MAGI1: variants seen among roughly 807,000 people sequenced by gnomAD.
MAGI1 encodes the protein membrane associated guanylate kinase, WW and PDZ domain containing 1, also known as membrane-associated guanylate kinase, WW and PDZ domain-containing protein 1.
A neutral mutation model predicts 139.9 loss-of-function variants in MAGI1; 58 were observed. The observed-to-expected ratio is 0.41, with a 90% CI of 0.34 to 0.52. MAGI1 has a LOEUF of 0.52. Ranked by LOEUF, MAGI1 falls within the 20% of genes least tolerant of loss-of-function variation. The probability of loss-of-function intolerance (pLI) is 0.12; values close to 1 mark genes in which losing one functional copy is unlikely to be tolerated. For missense variants in MAGI1, 1,874 were observed against 1,901.6 expected (o/e 0.99, Z 0.27); for synonymous variants, 812 against 737.9 (o/e 1.10, Z -1.63).
intron 1 of MAGI1, chr3:65,843,779 G>C (rs1254465910): frequency 2.3e-5 from 4 of 173,944 alleles, no homozygotes; most frequent in African/African-American, 9.6e-5. Flanking sequence ...AAGAAAGCAA[G>C]GTTTAAACTT....
At chr3:65,789,047 G>A (rs13063316) in intron 1 of MAGI1, among the ~76,000 whole-genome samples, 38,396 of 151,924 alleles carry the variant, frequency 0.25, 5,097 homozygotes, top group Non-Finnish European at 0.31. Flanking sequence ...CAGGCTTGGC[G>A]ACACCCACCC....
At chr3:65,519,808 T>G (rs569948981) in intron 2 of MAGI1, among the ~76,000 whole-genome samples, 1 of 152,318 alleles carries the variant, frequency 6.6e-6, no homozygotes, top group African/African-American at 2.4e-5. Flanking sequence ...CAGATTGTGA[T>G]AGGTTATTCT....
At position 65,429,709 on chromosome 3, in the gene MAGI1, T is replaced by C. The variant is rs1342150402; in HGVS notation, c.1978A>G (p.Ser660Gly). 3 of 1,613,946 alleles carry C rather than the reference T, an allele frequency of 1.9e-6. No individual in the cohort carries two copies. The highest frequency in any genetic ancestry group is 2.2e-5 in the East Asian group (1 of 44,824). ...PMGFGFTIADSPGGGGQRVKQ... is the reference protein window; with the variant it reads ...PMGFGFTIADGPGGGGQRVKQ... ...ACTCTTTGGCCACCCCCACCAGGAC[T>C]GTCTGCGATAGTAAAACCAAAGCCC... Residue 660 changes from serine (S) to glycine (G), a missense_variant, in exon 12 of 23, where the codon AGT becomes GGT. By Grantham distance (56) the Ser-to-Gly change is moderately conservative. Around this residue, in one of 5 missense-constraint regions of MAGI1, gnomAD observed 482 missense variants for 509.6 expected, o/e 0.95. Coordinates refer to ENST00000402939, the MANE Select transcript of MAGI1 (RefSeq NM_001033057.2).
intron 1 of MAGI1, among the ~76,000 whole-genome samples, chr3:65,637,073 C>G (rs929463720): frequency 6.6e-6 from 1 of 152,208 alleles, no homozygotes; most frequent in Non-Finnish European, 1.5e-5. Context: ...CCTCCCTGTT[C>G]TTGGCAGCTC....
At position 65,647,740 on chromosome 3, in the gene MAGI1, C is replaced by T. The variant is rs188795955; in HGVS notation, c.314-25652G>A. Among the ~76,000 whole-genome samples the T allele has an allele frequency of 1.6e-3, 244 of 152,208 alleles. 1 individual carries two copies. In the South Asian group the frequency reaches 0.031, roughly 19 times the overall value. ...AAACTTTAAGAAAACTACAAATATG[C>T]AAGTTCCATTCTTTATGTGAAATTA... is the stretch of plus-strand genomic sequence containing the variant. On this transcript the variant is annotated intron_variant, in intron 1 of 22. Coordinates refer to ENST00000402939, the MANE Select transcript of MAGI1 (RefSeq NM_001033057.2).
intron 5 of MAGI1, among the ~76,000 whole-genome samples, chr3:65,453,831 C>G (rs969289129): frequency 6.6e-6 from 1 of 152,178 alleles, no homozygotes; most frequent in Non-Finnish European, 1.5e-5. Flanking sequence ...TGACTCAAAA[C>G]TACCAATACA....
intron 1 of MAGI1, among the ~76,000 whole-genome samples, chr3:65,685,709 TA>T (rs1045254479): frequency 7.2e-5 from 11 of 152,306 alleles, no homozygotes; most frequent in African/African-American, 2.4e-4. Context: ...TCTATTTTAG[TA>T]AAAATAAGGC....
At chr3:65,643,824 T>C (rs951328206) in intron 1 of MAGI1, among the ~76,000 whole-genome samples, 12 of 152,188 alleles carry the variant, frequency 7.9e-5, no homozygotes, top group South Asian at 2.1e-4. Flanking sequence ...CCAGCAATGA[T>C]TGAATGGGGA....
chr3:65,983,441 T>C (rs1202863827), intron 1 of MAGI1, among the ~76,000 whole-genome samples: 4 of 152,218 alleles, frequency 2.6e-5, no homozygotes, highest in Admixed American at 2.6e-4. Flanking sequence ...GCATTTCAAC[T>C]CTGGACTTTT....
intron 22 of MAGI1, among the ~76,000 whole-genome samples, chr3:65,358,901 C>T (rs1205576681): frequency 6.6e-6 from 1 of 152,134 alleles, no homozygotes; most frequent in Non-Finnish European, 1.5e-5. Flanking sequence ...ACTTTTAAGA[C>T]AAGGGAAGGC....
At chr3:65,758,789 C>A (rs1049973833) in intron 1 of MAGI1, among the ~76,000 whole-genome samples, 3 of 151,990 alleles carry the variant, frequency 2.0e-5, no homozygotes, top group African/African-American at 7.2e-5. Context: ...ATTTTTGTTG[C>A]CTTCATTCAA....
At chr3:65,983,114 G>C (rs1437591400) in intron 1 of MAGI1, among the ~76,000 whole-genome samples, 2 of 152,048 alleles carry the variant, frequency 1.3e-5, no homozygotes, top group Non-Finnish European at 1.5e-5. Flanking sequence ...ATGGGGTCTT[G>C]CTTTGTTGCC....
intron 1 of MAGI1, among the ~76,000 whole-genome samples, chr3:65,767,013 T>C (rs1475165624): frequency 1.3e-5 from 2 of 152,216 alleles, no homozygotes; most frequent in Admixed American, 1.3e-4. Flanking sequence ...TTGCCCTCTC[T>C]GAGTTTCCAT....
intron 2 of MAGI1, among the ~76,000 whole-genome samples, chr3:65,549,867 A>ACAG (rs1377781502): frequency 2.6e-5 from 4 of 152,136 alleles, no homozygotes; most frequent in Non-Finnish European, 4.4e-5. Context: ...ACTTCGAAAT[A>ACAG]CAGCAGGAAG....
At chr3:65,906,352 A>C (rs1267228899) in intron 1 of MAGI1, among the ~76,000 whole-genome samples, 3 of 152,126 alleles carry the variant, frequency 2.0e-5, no homozygotes, top group Admixed American at 1.3e-4. Context: ...GGAGCAGGGA[A>C]GGAATTTCAG....
At position 65,356,495 on chromosome 3, in the gene MAGI1, G is replaced by T. The variant is rs1036232918; in HGVS notation, c.4272C>A (p.Ala1424=). ...SLDKRNREDR[A]SHREREEANL... ...TCGCCTCTTCCCTTTCTCGGTGGCTGGCTCTGTCCTCTCTGTTCCTTTTGT... is the reference window on the plus strand; with the variant it reads ...TCGCCTCTTCCCTTTCTCGGTGGCTTGCTCTGTCCTCTCTGTTCCTTTTGT... The change falls in exon 23 of 23, where the codon GCC becomes GCA. Residue 1424 remains alanine, a synonymous_variant. Transcript: ENST00000402939. 2 of 1,611,400 alleles carry T rather than the reference G, an allele frequency of 1.2e-6. No homozygotes were observed. The highest frequency in any genetic ancestry group is 2.7e-5 in the African/African-American group (2 of 74,836).
intron 1 of MAGI1, among the ~76,000 whole-genome samples, chr3:65,658,798 T>C (rs555617777): frequency 6.6e-6 from 1 of 152,302 alleles, no homozygotes; most frequent in East Asian, 1.9e-4. Context: ...CTGTCCAATG[T>C]CAAAACGAAG....
intron 1 of MAGI1, among the ~76,000 whole-genome samples, chr3:65,744,583 A>G (rs2035540516): frequency 6.6e-6 from 1 of 152,216 alleles, no homozygotes; most frequent in African/African-American, 2.4e-5. Flanking sequence ...CTTAAGAAAG[A>G]AGACTGAATT....
chr3:65,843,051 G>A (rs1315022516), intron 1 of MAGI1, among the ~76,000 whole-genome samples: 2 of 151,968 alleles, frequency 1.3e-5, no homozygotes, highest in African/African-American at 4.8e-5. Flanking sequence ...CCCACCTCCT[G>A]GTATTCATAA....
Sources: allele counts gnomAD v4.1 joint callset (sites outside exome capture counted in the v4.1 genomes callset), GRCh38; gene constraint gnomAD v4.1.1; regional missense constraint gnomAD v4.1.1; transcripts MANE v1.5; gene names NCBI Gene and HGNC (gene_info 2026-07-23, HGNC 2026-07-21).